Variants in PCDHGB7 observed in about 807,000 individuals in gnomAD.
PCDHGB7 encodes protocadherin gamma-B7.
Under a neutral mutation model 61.4 loss-of-function variants are expected in PCDHGB7, and 37 were observed. The ratio of observed to expected loss-of-function variants is 0.60; its 90% CI spans 0.46 to 0.79. The LOEUF is 0.79. Among genes scored for constraint, PCDHGB7 ranks in the 30% least tolerant of loss-of-function variants. PCDHGB7 has a pLI of 0.00. For synonymous variants in PCDHGB7, 464 were observed against 503.5 expected, an observed-to-expected ratio of 0.92 and a Z score of 1.05; for missense variants, 1,166 against 1,202.5, an observed-to-expected ratio of 0.97 and a Z score of 0.45.
At chr5:141,497,904 A>G (rs939422338) in intron 2 of PCDHGB7, among the ~76,000 whole-genome samples, 2 of 152,136 alleles carry the variant, frequency 1.3e-5, no homozygotes, top group African/African-American at 2.4e-5. Context: ...AGTAACTTCA[A>G]CTTCTCTCCT....
intron 1 of PCDHGB7, among the ~76,000 whole-genome samples, chr5:141,474,763 A>G (rs2099354251): frequency 6.6e-6 from 1 of 152,254 alleles, no homozygotes; most frequent in Non-Finnish European, 1.5e-5. Flanking sequence ...ATATACAGAA[A>G]TAGTATGAGG....
chr5:141,429,955 A>G (rs971940539), intron 1 of PCDHGB7, among the ~76,000 whole-genome samples: 1 of 152,202 alleles, frequency 6.6e-6, no homozygotes, highest in Non-Finnish European at 1.5e-5. Context: ...TTTCCAGTCA[A>G]TGCAAGTTGG....
In PCDHGB7 at chr5:141,433,198, A is replaced by G. The variant is rs373769649; in HGVS notation, c.2415+12924A>G. 11 of 1,581,706 alleles carry G rather than the reference A, an allele frequency of 7.0e-6. No individual in the cohort carries two copies. The African/African-American group carries it at 1.1e-4, about 16-fold the overall frequency. On this transcript the variant is annotated intron_variant, in intron 1 of 3. Coordinates refer to ENST00000398594, the MANE Select transcript of PCDHGB7 (RefSeq NM_018927.4). ...GGTTAATTGAGGTGAGTTTATATCA[A>G]ATCTTCTTTCTTTTTTTTTTTTAAT...
At chr5:141,428,175 G>A (rs766332920) in intron 1 of PCDHGB7, 20 of 1,508,456 alleles carry the variant, frequency 1.3e-5, no homozygotes, top group Non-Finnish European at 1.8e-5. Flanking sequence ...GTGCGTGACG[G>A]AGGACAGCCG....
Position 141,418,115 on chromosome 5 carries a change from G to C in PCDHGB7, c.256G>C (p.Val86Leu). Residue 86 changes from valine (V) to leucine (L), a missense_variant, in exon 1 of 4, where the codon GTG becomes CTG. Coordinates refer to ENST00000398594, the MANE Select transcript of PCDHGB7 (RefSeq NM_018927.4). ...SVDAQSGDLL[V>L]KDRIDREQIC... is the part of the protein sequence containing the mutation. Reference sequence around the variant, plus strand: ...AGACGCGCAGAGCGGGGACTTACTTGTGAAGGACCGAATAGACCGTGAGCA... The same window carrying C: ...AGACGCGCAGAGCGGGGACTTACTTCTGAAGGACCGAATAGACCGTGAGCA... 6.2e-7 allele frequency: 1 copy of C among 1,614,098 alleles called. No individual in the cohort carries two copies. Among genetic ancestry groups the C allele is most frequent in the South Asian group, 1.1e-5 (1 of 91,088 alleles).
chr5:141,469,410 A>G (rs2099200490), intron 1 of PCDHGB7, among the ~76,000 whole-genome samples: 1 of 152,128 alleles, frequency 6.6e-6, no homozygotes, highest in Non-Finnish European at 1.5e-5. Context: ...CCCCGTTTCT[A>G]CTAAAAATAT....
rs1561964279 is a variant in PCDHGB7 at position 141,456,201 on chromosome 5, A to G, written c.2415+35927A>G. 2.0e-5 allele frequency among the ~76,000 whole-genome samples: 3 copies of G among 152,228 alleles called. No homozygotes were observed. The South Asian group carries it at 6.2e-4, about 32-fold the overall frequency. On this transcript the variant is annotated intron_variant, in intron 1 of 3. Coordinates refer to ENST00000398594, the MANE Select transcript of PCDHGB7 (RefSeq NM_018927.4). ...ATAATTTCTTAATAACTCCTACCAC[A>G]TTCCTCCCTGTGGCGATATCAAACT...
At chr5:141,478,408 G>C in intron 1 of PCDHGB7, 1 of 1,613,340 alleles carries the variant, frequency 6.2e-7, no homozygotes, top group Non-Finnish European at 8.5e-7. Flanking sequence ...ATCTCACCAC[G>C]GACTCCCGCC....
At chr5:141,470,383 G>A (rs569789033) in intron 1 of PCDHGB7, among the ~76,000 whole-genome samples, 7 of 152,246 alleles carry the variant, frequency 4.6e-5, no homozygotes, top group South Asian at 2.1e-4. Context: ...AAGACTACTC[G>A]ATGATATTTA....
Position 141,417,750 on chromosome 5 carries a change from G to A in PCDHGB7, c.-110G>A, listed in dbSNP as rs1430413607. The A allele has an allele frequency of 1.5e-5, 22 of 1,426,796 alleles. 1 individual carries two copies. In the East Asian group the frequency reaches 5.5e-4, roughly 36 times the overall value. The allele number at this position is 1,426,796 out of a possible 1,614,324, so 88.4% of individuals were successfully genotyped here. On this transcript the variant is annotated 5_prime_UTR_variant, in exon 1 of 4. Coordinates refer to ENST00000398594, the MANE Select transcript of PCDHGB7 (RefSeq NM_018927.4). ...CCTTGCCCAGCACACCAGATTGCCA[G>A]CTCCGAGACCCGGGACTCCTCCTGT...
intron 1 of PCDHGB7, chr5:141,484,980 A>C (rs1387732109): frequency 1.7e-6 from 1 of 593,836 alleles, no homozygotes; most frequent in Admixed American, 3.1e-5. Flanking sequence ...CTGTCTGCCA[A>C]TCGGGTGGTG....
At chr5:141,445,427 C>G (rs964779092) in intron 1 of PCDHGB7, among the ~76,000 whole-genome samples, 4 of 152,152 alleles carry the variant, frequency 2.6e-5, no homozygotes, top group African/African-American at 9.7e-5. Flanking sequence ...ATATGCAAGG[C>G]ACTGACCTAT....
intron 1 of PCDHGB7, among the ~76,000 whole-genome samples, chr5:141,483,294 T>G (rs1392406131): frequency 2.0e-5 from 3 of 152,100 alleles, no homozygotes; most frequent in Non-Finnish European, 4.4e-5. Flanking sequence ...CAGTCATAAG[T>G]GAAGGGACTG....
At chr5:141,423,362 T>G (rs1419859253) in intron 1 of PCDHGB7, 1 of 1,614,112 alleles carries the variant, frequency 6.2e-7, no homozygotes, top group African/African-American at 1.3e-5. Flanking sequence ...GTCATCGTGC[T>G]GCTGGCACTC....
chr5:141,499,570 A>G (rs1027373056), intron 2 of PCDHGB7, among the ~76,000 whole-genome samples: 2 of 152,200 alleles, frequency 1.3e-5, no homozygotes, highest in African/African-American at 4.8e-5. Context: ...TCCAGCTTCA[A>G]CTAATGCCTT....
chr5:141,491,646 G>T lies in PCDHGB7; in HGVS notation c.2416-3161G>T. On this transcript the variant is annotated intron_variant, in intron 1 of 3. Transcript: ENST00000398594. The surrounding 1 kb of genome is among the most constrained non-coding windows in gnomAD (Gnocchi z 6.9). ...GCGTTCAGCAGCCCACAGCTCTGGC[G>T]CTGGAGCCTGACGCCATCCGGTCCC... is the stretch of plus-strand genomic sequence containing the variant. 1 of 1,613,872 alleles carries T rather than the reference G, an allele frequency of 6.2e-7. No individual in the cohort carries two copies. The highest frequency in any genetic ancestry group is 8.5e-7 in the Non-Finnish European group (1 of 1,180,030).
chr5:141,479,469 C>T lies in PCDHGB7; in HGVS notation c.2416-15338C>T, dbSNP rs1218436564. 8 of 152,344 alleles carry T rather than the reference C, an allele frequency of 5.3e-5. No homozygotes were observed. In the East Asian group the frequency reaches 1.5e-3, roughly 29 times the overall value. 9.4% of individuals were successfully genotyped at this position (152,344 alleles called of 1,614,324 possible). On this transcript the variant is annotated intron_variant, in intron 1 of 3. Transcript: ENST00000398594. ...AAGTTCAGCATGAATACAGTGACCT[C>T]TTGGGAGGGCAGGACCATCAGGTTG...
chr5:141,419,663 G>T lies in PCDHGB7; in HGVS notation c.1804G>T (p.Ala602Ser), dbSNP rs1459319505. 6.2e-7 allele frequency: 1 copy of T among 1,612,710 alleles called. No homozygotes were observed. The highest frequency in any genetic ancestry group is 8.5e-7 in the Non-Finnish European group (1 of 1,179,790). Reference sequence around the variant, plus strand: ...CGTGGACGCGGACTCGGGGCACAATGCCTGGCTGTCCTACCACGTGGTGCA... The same window carrying T: ...CGTGGACGCGGACTCGGGGCACAATTCCTGGCTGTCCTACCACGTGGTGCA... The part of the protein sequence containing the change: ...VAVDADSGHN[A>S]WLSYHVVQAS... Residue 602 changes from alanine (A) to serine (S), a missense_variant, in exon 1 of 4, where the codon GCC becomes TCC. Transcript: ENST00000398594.
chr5:141,441,918 C>A (rs1183933153), intron 1 of PCDHGB7: 8 of 351,246 alleles, frequency 2.3e-5, no homozygotes, highest in African/African-American at 1.1e-4. Flanking sequence ...ATGTGAGACA[C>A]AATGCGTGGC....
Sources: allele counts gnomAD v4.1 joint callset (sites outside exome capture counted in the v4.1 genomes callset), GRCh38; gene constraint gnomAD v4.1.1; non-coding constraint Gnocchi (gnomAD v3.1); transcripts MANE v1.5; gene names NCBI Gene and HGNC (gene_info 2026-07-23, HGNC 2026-07-21).